The following PEMT variants were observed in gnomAD, a reference collection of about 807,000 sequenced individuals.
PEMT encodes phosphatidylethanolamine N-methyltransferase, also known as phospholipid methyltransferase.
Under a neutral mutation model 27.4 loss-of-function variants are expected in PEMT, and 23 were observed. That is an observed-to-expected ratio of 0.84 (90% confidence interval 0.60 to 1.19). The LOEUF is 1.19. PEMT is among the 50% of genes most tolerant of loss of function. PEMT has a pLI of 0.00. For missense variants in PEMT, 307 were observed against 310.1 expected (o/e 0.99, Z 0.07); for synonymous variants, 137 against 139.1 (o/e 0.98, Z 0.11).
chr17:17,585,952 A>G (rs891304375), intron 1 of PEMT, among the ~76,000 whole-genome samples: 8 of 151,524 alleles, frequency 5.3e-5, no homozygotes, highest in Non-Finnish European at 1.2e-4. Context: ...GCGTGGTGGC[A>G]GGCGCCTGTA....
At position 17,582,802 on chromosome 17, in the gene PEMT, C is replaced by T. The variant is rs1015176460; in HGVS notation, c.97-5775G>A. 1.3e-5 allele frequency among the ~76,000 whole-genome samples: 2 copies of T among 152,174 alleles called. No homozygotes were observed. Among genetic ancestry groups the T allele is most frequent in the African/African-American group, 4.8e-5 (2 of 41,436 alleles). ...CTCTGGGCCGGGCGCGATGGCTCAC[C>T]CCCGTAATCCCAGCACTTTGGGAGG... On this transcript the variant is annotated intron_variant, in intron 1 of 6. Coordinates refer to ENST00000255389, the MANE Select transcript of PEMT (RefSeq NM_148172.3). The surrounding 1 kb of genome is among the most constrained non-coding windows in gnomAD (Gnocchi z 4.9).
chr17:17,536,880 G>A (rs1434786687), intron 2 of PEMT, among the ~76,000 whole-genome samples: 8 of 152,184 alleles, frequency 5.3e-5, no homozygotes, highest in South Asian at 2.1e-4. Context: ...TGGTGCTGTC[G>A]GGTCTGGCCC....
At chr17:17,576,455 G>A (rs886638614) in intron 2 of PEMT, among the ~76,000 whole-genome samples, 64 of 152,206 alleles carry the variant, frequency 4.2e-4, no homozygotes, top group Non-Finnish European at 6.0e-4. Flanking sequence ...TTTGCAGGAA[G>A]CCTCATGTGG....
chr17:17,552,344 A>C (rs1909715572), intron 2 of PEMT, among the ~76,000 whole-genome samples: 1 of 152,136 alleles, frequency 6.6e-6, no homozygotes, highest in Admixed American at 6.5e-5. Flanking sequence ...ATACTGGAGA[A>C]TTCTCTGATG....
At chr17:17,558,162 C>G (rs1016205663) in intron 2 of PEMT, among the ~76,000 whole-genome samples, 1 of 151,576 alleles carries the variant, frequency 6.6e-6, no homozygotes, top group East Asian at 1.9e-4. Flanking sequence ...GGCAACATGG[C>G]GAGACTCCCG....
chr17:17,550,108 C>T (rs1260739289), intron 2 of PEMT, among the ~76,000 whole-genome samples: 1 of 152,212 alleles, frequency 6.6e-6, no homozygotes, highest in Non-Finnish European at 1.5e-5. Context: ...GAGACTCTCT[C>T]TCCTCGCCAG....
intron 2 of PEMT, among the ~76,000 whole-genome samples, chr17:17,529,798 C>G (rs1184475977): frequency 6.6e-6 from 1 of 152,234 alleles, no homozygotes; most frequent in Non-Finnish European, 1.5e-5. Flanking sequence ...AGTTCAAATT[C>G]TAGCTCCAGC....
chr17:17,527,304 TG>T (rs1218685509), intron 2 of PEMT, among the ~76,000 whole-genome samples: 1 of 152,232 alleles, frequency 6.6e-6, no homozygotes, highest in African/African-American at 2.4e-5. Context: ...CTCAAAGTGC[TG>T]GGATTACAGG....
At position 17,580,463 on chromosome 17, in the gene PEMT, C is replaced by T. The variant is rs973943702; in HGVS notation, c.97-3436G>A. On this transcript the variant is annotated intron_variant, in intron 1 of 6. Coordinates refer to ENST00000255389, the MANE Select transcript of PEMT (RefSeq NM_148172.3). ...CTGCACTCCAGCCTGGGTGACAGAA[C>T]GAGACTCCGTCTCAAAAAAAAAACA... 1.2e-4 allele frequency among the ~76,000 whole-genome samples: 18 copies of T among 151,920 alleles called. 1 individual carries two copies. Among genetic ancestry groups the T allele is most frequent in the African/African-American group, 4.1e-4 (17 of 41,416 alleles).
intron 5 of PEMT, chr17:17,508,758 C>G (rs1286284450): frequency 8.5e-6 from 4 of 468,206 alleles, no homozygotes; most frequent in African/African-American, 8.0e-5. Flanking sequence ...GTACCCGTAC[C>G]TGGCTGAGGC....
At chr17:17,552,163 T>G (rs533391069) in intron 2 of PEMT, among the ~76,000 whole-genome samples, 1 of 152,096 alleles carries the variant, frequency 6.6e-6, no homozygotes, top group Admixed American at 6.5e-5. Flanking sequence ...AATACAAAAA[T>G]TAGCCGGGCA....
At chr17:17,564,878 AAC>A (rs1336272764) in intron 2 of PEMT, among the ~76,000 whole-genome samples, 1 of 152,116 alleles carries the variant, frequency 6.6e-6, no homozygotes, top group Admixed American at 6.5e-5. Flanking sequence ...GGCCTCCAGG[AAC>A]ACACACCCCT....
In PEMT at chr17:17,506,253, G is replaced by C; in HGVS notation, c.627C>G (p.Thr209=). 6.3e-7 allele frequency: 1 copy of C among 1,583,832 alleles called. No homozygotes were observed. Among genetic ancestry groups the C allele is most frequent in the Non-Finnish European group, 8.6e-7 (1 of 1,164,228 alleles). Residue 209 remains threonine (T), a synonymous_variant, in exon 6 of 7, where the codon ACC becomes ACG. Transcript: ENST00000255389. The part of the protein sequence containing the change: ...GLLLTVLVAL[T]YIVALLYEEP... ...CTTCGTATAGGAGAGCCACTATGTA[G>C]GTGAGGGCCACCAGCACCGTCAGGA...
intron 2 of PEMT, among the ~76,000 whole-genome samples, chr17:17,542,124 G>A (rs1034062432): frequency 1.3e-5 from 2 of 152,132 alleles, no homozygotes; most frequent in African/African-American, 4.8e-5. Context: ...GGGATTACAG[G>A]TGCTCACCAC....
chr17:17,543,108 C>T (rs147344926), intron 2 of PEMT, among the ~76,000 whole-genome samples: 71 of 152,338 alleles, frequency 4.7e-4, no homozygotes, highest in African/African-American at 1.5e-3. Flanking sequence ...GGCCCTGGCC[C>T]GGGCCACTCG....
intron 5 of PEMT, chr17:17,508,884 G>T: frequency 2.7e-6 from 1 of 369,072 alleles, no homozygotes. Flanking sequence ...CGGGTGAGCT[G>T]GGCCCTGGCG....
At position 17,544,430 on chromosome 17, in the gene PEMT, AC is replaced by A. The variant is rs549011301; in HGVS notation, c.205-22036del. On this transcript the variant is annotated intron_variant, in intron 2 of 6. Coordinates refer to ENST00000255389, the MANE Select transcript of PEMT (RefSeq NM_148172.3). ...CGAGTAGCTGGGATTACAGGTGCCC[AC>A]CACCACGCCCAGCTAATTTTCGTAT... Among the ~76,000 whole-genome samples, 20 of 151,798 alleles carry A rather than the reference AC, an allele frequency of 1.3e-4. No individual in the cohort carries two copies. The South Asian group carries it at 4.2e-3, about 32-fold the overall frequency.
chr17:17,535,030 C>CCTCAG (rs1313277296), intron 2 of PEMT, among the ~76,000 whole-genome samples: 5 of 151,974 alleles, frequency 3.3e-5, no homozygotes, highest in Admixed American at 1.3e-4. Context: ...CCTGCCTCAG[C>CCTCAG]CTCCAGAGTA....
Position 17,518,131 on chromosome 17 carries a change from G to T in PEMT, c.320+4149C>A, listed in dbSNP as rs1382962807. The T allele has an allele frequency of 2.9e-5, 29 of 985,344 alleles. 1 individual carries two copies. The highest frequency in any genetic ancestry group is 3.5e-5 in the Non-Finnish European group (29 of 829,948). 61.0% of individuals were successfully genotyped at this position (985,344 alleles called of 1,614,324 possible). On this transcript the variant is annotated intron_variant, in intron 3 of 6. Transcript: ENST00000255389. ...GAGACTCCAGGCAATTCCGATGTGC[G>T]CTGGAGCACAGTTCCATCCCGTGAC... is the stretch of plus-strand genomic sequence containing the variant.
Sources: gnomAD v4.1 joint callset for allele counts (sites outside exome capture counted in the v4.1 genomes callset) on GRCh38, gnomAD v4.1.1 for gene constraint, Gnocchi (gnomAD v3.1) non-coding constraint, MANE v1.5 for transcripts, NCBI Gene and HGNC (gene_info 2026-07-23, HGNC 2026-07-21) for gene names.